The following WDR7 variants were observed in gnomAD, a reference collection of about 807,000 sequenced individuals.
WDR7 encodes the protein WD repeat-containing protein 7.
In WDR7, 46 loss-of-function variants were observed where a neutral mutation model predicts 169.4. The ratio of observed to expected loss-of-function variants is 0.27; its 90% CI spans 0.21 to 0.35. The LOEUF is 0.35. WDR7 is among the 10% of genes least tolerant of loss of function. WDR7 has a pLI of 1.00. For missense variants in WDR7, 1,534 were observed against 1,859.3 expected (o/e 0.83, Z 3.22); for synonymous variants, 612 against 666.8 (o/e 0.92, Z 1.27).
At chr18:56,996,491 T>G (rs2047900830) in intron 26 of WDR7, among the ~76,000 whole-genome samples, 1 of 152,250 alleles carries the variant, frequency 6.6e-6, no homozygotes, top group African/African-American at 2.4e-5. Context: ...ATTACATTTC[T>G]TAATTTGGAA....
chr18:56,666,801 G>A (rs520839), intron 1 of WDR7, among the ~76,000 whole-genome samples: 139,494 of 151,940 alleles, frequency 0.92, 65,191 homozygotes, highest in East Asian at 1. Context: ...GATCTTGAGA[G>A]AGTTGCTAAC....
intron 21 of WDR7, among the ~76,000 whole-genome samples, chr18:56,912,299 T>G (rs1335596472): frequency 6.6e-6 from 1 of 152,202 alleles, no homozygotes; most frequent in Non-Finnish European, 1.5e-5. Context: ...CCGTGTCACA[T>G]AAACCAGAGA....
chr18:56,701,441 A>G (rs1475767714), intron 12 of WDR7, among the ~76,000 whole-genome samples: 1 of 152,232 alleles, frequency 6.6e-6, no homozygotes, highest in East Asian at 1.9e-4. Context: ...CAGTATAAAA[A>G]TTATATGACA....
At chr18:56,841,236 T>G (rs1305311371) in intron 20 of WDR7, among the ~76,000 whole-genome samples, 1 of 151,094 alleles carries the variant, frequency 6.6e-6, no homozygotes, top group Non-Finnish European at 1.5e-5. Flanking sequence ...GTTGTCGTAA[T>G]TTACAATTAG....
chr18:56,693,906 G>A (rs1450873551), intron 9 of WDR7, among the ~76,000 whole-genome samples: 3 of 152,030 alleles, frequency 2.0e-5, no homozygotes, highest in Non-Finnish European at 4.4e-5. Context: ...GTCTTGCTGT[G>A]TCATCCAGGC....
chr18:56,996,861 T>C (rs768038197), intron 26 of WDR7, among the ~76,000 whole-genome samples: 28 of 152,196 alleles, frequency 1.8e-4, no homozygotes, highest in Non-Finnish European at 1.0e-4. Flanking sequence ...ATATAGCACT[T>C]AAACTTATTT....
At chr18:56,888,880 A>C (rs2046230514) in intron 21 of WDR7, among the ~76,000 whole-genome samples, 1 of 152,194 alleles carries the variant, frequency 6.6e-6, no homozygotes, top group African/African-American at 2.4e-5. Flanking sequence ...GTGAAACAGG[A>C]TTAGGCAGAG....
chr18:56,854,426 T>G (rs1485424285), intron 20 of WDR7, among the ~76,000 whole-genome samples: 1 of 152,216 alleles, frequency 6.6e-6, no homozygotes, highest in African/African-American at 2.4e-5. Context: ...ACATGGAGCC[T>G]CCATGCCCAA....
intron 25 of WDR7, among the ~76,000 whole-genome samples, chr18:56,941,309 T>C (rs958656405): frequency 6.7e-6 from 1 of 149,420 alleles, no homozygotes; most frequent in East Asian, 1.9e-4. Flanking sequence ...ATAATAATAA[T>C]AACCTGTGAA....
intron 20 of WDR7, among the ~76,000 whole-genome samples, chr18:56,837,345 G>A (rs752050442): frequency 1.3e-4 from 20 of 152,292 alleles, no homozygotes; most frequent in African/African-American, 2.4e-4. Context: ...CAAAATGGCC[G>A]TGTAGAAAAA....
At chr18:56,678,835 T>C (rs1248834885) in intron 2 of WDR7, among the ~76,000 whole-genome samples, 7 of 152,308 alleles carry the variant, frequency 4.6e-5, no homozygotes, top group African/African-American at 1.7e-4. Context: ...ACCGCCTTGA[T>C]GGGCTTGGAC....
chr18:56,739,687 A>T (rs1322757138), intron 14 of WDR7, among the ~76,000 whole-genome samples: 1 of 151,740 alleles, frequency 6.6e-6, no homozygotes, highest in Non-Finnish European at 1.5e-5. Context: ...ATGTTTGCTG[A>T]TTATAGATTT....
intron 20 of WDR7, among the ~76,000 whole-genome samples, chr18:56,869,591 A>G (rs1353984042): frequency 6.6e-6 from 1 of 152,322 alleles, no homozygotes; most frequent in Non-Finnish European, 1.5e-5. Context: ...CCGCTAACAC[A>G]AGATTAGCTA....
intron 2 of WDR7, 131 bp from the exon 3 acceptor site, chr18:56,679,201 G>A (rs2144560517): frequency 1.5e-6 from 1 of 657,036 alleles, no homozygotes; most frequent in East Asian, 2.9e-5. Context: ...TGCTTTGCAA[G>A]AGCCAGGGGC....
In WDR7 at chr18:56,879,969, GA is replaced by G. The variant is rs2046082139; in HGVS notation, c.3337del (p.Ile1113PhefsTer20). On this transcript the variant is annotated frameshift_variant, in exon 21 of 28. Transcript: ENST00000254442. LOFTEE classifies it high-confidence loss of function. ...GTTGCTTATCAAGTGTCCCACAAAT[GA>G]AAAAAATTTCTACATCTTACGAGGA... ...TGCLSSVPQM[K>X]KISTSYEERR... 1.9e-6 allele frequency: 3 copies of G among 1,613,774 alleles called. No individual in the cohort carries two copies. Among genetic ancestry groups the G allele is most frequent in the Non-Finnish European group, 2.5e-6 (3 of 1,179,862 alleles).
At chr18:56,925,673 G>C (rs77018264) in intron 22 of WDR7, among the ~76,000 whole-genome samples, 1 of 152,276 alleles carries the variant, frequency 6.6e-6, no homozygotes, top group Admixed American at 6.5e-5. Context: ...TGCTCAGGAA[G>C]TAGAGACCAG....
In WDR7 at chr18:56,939,302, C is replaced by T; in HGVS notation, c.3982-9C>T. 1 of 1,489,034 alleles carries T rather than the reference C, an allele frequency of 6.7e-7. No homozygotes were observed. Among genetic ancestry groups the T allele is most frequent in the South Asian group, 1.5e-5 (1 of 68,470 alleles). The allele number at this position is 1,489,034 out of a possible 1,614,324, so 92.2% of individuals were successfully genotyped here. ...AAATTAATTTTAAATCTGTTCTTTTCTGTCAAAGGTTATGGACATCATTAT... is the reference window on the plus strand; with the variant it reads ...AAATTAATTTTAAATCTGTTCTTTTTTGTCAAAGGTTATGGACATCATTAT... On this transcript the variant is annotated splice_polypyrimidine_tract_variant and intron_variant, in intron 24 of 27. Transcript: ENST00000254442.
At chr18:56,807,677 A>C (rs1197291743) in intron 19 of WDR7, among the ~76,000 whole-genome samples, 1 of 151,500 alleles carries the variant, frequency 6.6e-6, no homozygotes, top group Non-Finnish European at 1.5e-5. Context: ...AGTTTTCTAA[A>C]AAAAAAAAAT....
chr18:56,872,691 G>C (rs913775040), intron 20 of WDR7: 1 of 151,998 alleles, frequency 6.6e-6, no homozygotes, highest in Non-Finnish European at 1.5e-5. Context: ...TTTCCACACA[G>C]GGCTAGTTGA....
Sources: allele counts gnomAD v4.1 joint callset (sites outside exome capture counted in the v4.1 genomes callset), GRCh38; gene constraint gnomAD v4.1.1; transcripts MANE v1.5; gene names NCBI Gene and HGNC (gene_info 2026-07-23, HGNC 2026-07-21).